The following CNTNAP2 variants were observed in gnomAD, a reference collection of about 807,000 sequenced individuals.
CNTNAP2 encodes the protein contactin-associated protein-like 2.
CNTNAP2 carries 98 observed loss-of-function variants against 155.2 expected under a neutral mutation model. That is an observed-to-expected ratio of 0.63 (90% confidence interval 0.54 to 0.75). CNTNAP2 has a LOEUF of 0.75. Ranked by LOEUF, CNTNAP2 falls within the 30% of genes least tolerant of loss-of-function variation. CNTNAP2 has a pLI of 0.00. For synonymous variants in CNTNAP2, 651 were observed against 631.2 expected (o/e 1.03, Z -0.47); for missense variants, 1,727 against 1,688.1 (o/e 1.02, Z -0.40).
chr7:146,261,861 T>A (rs1799923961), intron 1 of CNTNAP2, among the ~76,000 whole-genome samples: 1 of 152,164 alleles, frequency 6.6e-6, no homozygotes, highest in South Asian at 2.1e-4. Context: ...TTTTGAATAT[T>A]TTATGTTTGA....
intron 1 of CNTNAP2, among the ~76,000 whole-genome samples, chr7:146,299,373 G>C (rs973318510): frequency 1.6e-4 from 25 of 152,014 alleles, no homozygotes; most frequent in African/African-American, 5.8e-4. Flanking sequence ...AAATTATAAA[G>C]CAGAAAAAAG....
intron 10 of CNTNAP2, among the ~76,000 whole-genome samples, chr7:147,469,644 G>A (rs554082653): frequency 1.8e-3 from 271 of 150,682 alleles, no homozygotes; most frequent in African/African-American, 6.2e-3. Flanking sequence ...TCAGCCTCCC[G>A]AGTAGCTGGG....
At chr7:146,504,981 C>T (rs1608958) in intron 1 of CNTNAP2, among the ~76,000 whole-genome samples, 31,005 of 152,098 alleles carry the variant, frequency 0.2, 3,832 homozygotes, top group East Asian at 0.45. Flanking sequence ...TGTTGCTCTA[C>T]ACATCATGAT....
chr7:148,035,354 G>A (rs1802554300), intron 15 of CNTNAP2, among the ~76,000 whole-genome samples: 1 of 152,136 alleles, frequency 6.6e-6, no homozygotes, highest in African/African-American at 2.4e-5. Context: ...AGCTCTAGGA[G>A]GGCAGAATGG....
Position 148,147,721 on chromosome 7 carries a change from A to T in CNTNAP2, c.2773+12A>T, listed in dbSNP as rs1064794765. 1.2e-6 allele frequency: 2 copies of T among 1,612,260 alleles called. No homozygotes were observed. Among genetic ancestry groups the T allele is most frequent in the Non-Finnish European group, 1.7e-6 (2 of 1,179,374 alleles). On this transcript the variant is annotated intron_variant, in intron 17 of 23. Coordinates refer to ENST00000361727, the MANE Select transcript of CNTNAP2 (RefSeq NM_014141.6). ...CCAGTTATTTGTGGGTAAGTAATGG[A>T]AAGGTAACCATGGCTTCCCTCTGTT... is the stretch of plus-strand genomic sequence containing the variant.
chr7:146,955,193 C>T (rs1288135225), intron 3 of CNTNAP2, among the ~76,000 whole-genome samples: 3 of 151,898 alleles, frequency 2.0e-5, no homozygotes, highest in Non-Finnish European at 4.4e-5. Context: ...GTTCTTCTAC[C>T]TCTGCCTGAT....
chr7:146,182,797 TC>T (rs985564376), intron 1 of CNTNAP2, among the ~76,000 whole-genome samples: 2 of 152,158 alleles, frequency 1.3e-5, no homozygotes, highest in Non-Finnish European at 2.9e-5. Flanking sequence ...TCCTCACTGT[TC>T]CCTTGCTAAC....
chr7:147,613,460 C>A (rs192487900), intron 12 of CNTNAP2, among the ~76,000 whole-genome samples: 2 of 152,116 alleles, frequency 1.3e-5, no homozygotes, highest in Admixed American at 6.6e-5. Context: ...TATGGCATGT[C>A]GATGAAGAAG....
chr7:147,272,102 A>C (rs1010625443), intron 8 of CNTNAP2, among the ~76,000 whole-genome samples: 5 of 152,146 alleles, frequency 3.3e-5, no homozygotes, highest in Admixed American at 3.3e-4. Flanking sequence ...CATGTTGGCC[A>C]GGCTGCTCTC....
chr7:146,893,499 A>AGAGG (rs1795820368), intron 3 of CNTNAP2, among the ~76,000 whole-genome samples: 1 of 150,632 alleles, frequency 6.6e-6, no homozygotes, highest in African/African-American at 2.4e-5. Context: ...AGAGAGAGAG[A>AGAGG]AATATTTTGT....
intron 18 of CNTNAP2, among the ~76,000 whole-genome samples, chr7:148,212,022 C>T (rs1795559819): frequency 6.6e-6 from 1 of 152,032 alleles, no homozygotes; most frequent in Non-Finnish European, 1.5e-5. Context: ...GTTGCAAAAT[C>T]CTAAGTGAAA....
At chr7:147,839,838 G>GT (rs1422988167) in intron 13 of CNTNAP2, among the ~76,000 whole-genome samples, 1 of 152,004 alleles carries the variant, frequency 6.6e-6, no homozygotes, top group African/African-American at 2.4e-5. Flanking sequence ...TGGAATCACC[G>GT]TAAGTGTCTA....
chr7:147,218,158 A>G (rs1310889836), intron 8 of CNTNAP2, among the ~76,000 whole-genome samples: 1 of 151,470 alleles, frequency 6.6e-6, no homozygotes, highest in Non-Finnish European at 1.5e-5. Context: ...TCCATGTTTT[A>G]TTATTTATTT....
At chr7:146,406,548 C>G (rs1226960449) in intron 1 of CNTNAP2, among the ~76,000 whole-genome samples, 2 of 152,152 alleles carry the variant, frequency 1.3e-5, no homozygotes, top group African/African-American at 4.8e-5. Flanking sequence ...TCTTGAGAGG[C>G]TGACATGCAG....
chr7:147,775,243 T>TTA (rs1239938537), intron 13 of CNTNAP2, among the ~76,000 whole-genome samples: 3 of 111,188 alleles, frequency 2.7e-5, no homozygotes, highest in Non-Finnish European at 5.3e-5. Context: ...ATATATATAT[T>TTA]TATATATATA....
At chr7:147,038,552 C>A (rs1472104112) in intron 3 of CNTNAP2, among the ~76,000 whole-genome samples, 1 of 152,130 alleles carries the variant, frequency 6.6e-6, no homozygotes, top group African/African-American at 2.4e-5. Context: ...TTTGTAATAT[C>A]AAAATGGCCA....
chr7:147,304,056 G>T (rs748321420), intron 9 of CNTNAP2, among the ~76,000 whole-genome samples: 2 of 152,078 alleles, frequency 1.3e-5, no homozygotes, highest in South Asian at 4.1e-4. Context: ...GTTAAGTCCC[G>T]GTTGTGTAGC....
intron 3 of CNTNAP2, among the ~76,000 whole-genome samples, chr7:146,854,063 G>T (rs1794931792): frequency 6.6e-6 from 1 of 152,282 alleles, no homozygotes; most frequent in Admixed American, 6.5e-5. Context: ...ACAGGGAGAT[G>T]AGAAGGAGGC....
At chr7:146,535,404 A>C (rs1240609706) in intron 1 of CNTNAP2, among the ~76,000 whole-genome samples, 1 of 85,800 alleles carries the variant, frequency 1.2e-5, no homozygotes, top group East Asian at 3.5e-4. Flanking sequence ...TATATATTAT[A>C]TATGATATAA....
Sources: allele counts gnomAD v4.1 joint callset (sites outside exome capture counted in the v4.1 genomes callset), GRCh38; gene constraint gnomAD v4.1.1; transcripts MANE v1.5; gene names NCBI Gene and HGNC (gene_info 2026-07-23, HGNC 2026-07-21).